Variants in EPHB2 observed in about 807,000 individuals in gnomAD.
The protein encoded by EPHB2 is ephrin type-B receptor 2.
EPHB2 carries 18 observed loss-of-function variants against 96.4 expected under a neutral mutation model. The ratio of observed to expected loss-of-function variants is 0.19; its 90% CI spans 0.13 to 0.28. EPHB2 has a LOEUF of 0.28. EPHB2 is among the 10% of genes least tolerant of loss of function. The probability of loss-of-function intolerance (pLI) is 1.00; values close to 1 mark genes in which losing one functional copy is unlikely to be tolerated. For synonymous variants in EPHB2, 506 were observed against 534.1 expected, an observed-to-expected ratio of 0.95 and a Z score of 0.72; for missense variants, 989 against 1,355.4, an observed-to-expected ratio of 0.73 and a Z score of 4.25.
At chr1:22,728,892 C>T (rs1014294139) in intron 1 of EPHB2, among the ~76,000 whole-genome samples, 2 of 152,220 alleles carry the variant, frequency 1.3e-5, no homozygotes, top group African/African-American at 2.4e-5. Flanking sequence ...CATGACAGCT[C>T]CCAGTGGCCT....
chr1:22,716,721 G>T (rs1359891871), intron 1 of EPHB2, among the ~76,000 whole-genome samples: 4 of 152,212 alleles, frequency 2.6e-5, no homozygotes, highest in African/African-American at 9.6e-5. Flanking sequence ...GAGCTCACCT[G>T]TGAGTTTAGA....
intron 3 of EPHB2, among the ~76,000 whole-genome samples, chr1:22,808,552 C>T (rs143231071): frequency 1.6e-3 from 247 of 152,314 alleles, no homozygotes; most frequent in African/African-American, 5.4e-3. Context: ...CGTGTCACCG[C>T]AGAGTCAAGT....
intron 3 of EPHB2, among the ~76,000 whole-genome samples, chr1:22,787,842 G>T (rs886389175): frequency 6.6e-6 from 1 of 152,218 alleles, no homozygotes; most frequent in African/African-American, 2.4e-5. Flanking sequence ...CCATGAGGTT[G>T]CACTCAAGGT....
rs766527091 is a variant in EPHB2 at position 22,882,328 on chromosome 1, C to T, written c.1304-31C>T. The T allele has an allele frequency of 4.3e-6, 7 of 1,612,234 alleles. No homozygotes were observed. The East Asian group carries it at 6.7e-5, about 15-fold the overall frequency. ...CAGAAGCTGCACCTTCTCATGCCTC[C>T]CTGATCCCTGACCTCTGGCCTCTCT... is the stretch of plus-strand genomic sequence containing the variant. On this transcript the variant is annotated intron_variant, in intron 5 of 15. Transcript: ENST00000374630.
intron 3 of EPHB2, among the ~76,000 whole-genome samples, chr1:22,811,632 G>A (rs544299341): frequency 3.9e-5 from 6 of 152,190 alleles, no homozygotes; most frequent in Non-Finnish European, 8.8e-5. Context: ...CCCCTGAAAT[G>A]TCACCTGGTC....
intron 9 of EPHB2, among the ~76,000 whole-genome samples, chr1:22,904,401 T>C (rs1053725674): frequency 5.3e-5 from 8 of 152,240 alleles, no homozygotes; most frequent in African/African-American, 1.4e-4. Context: ...TTTTGGACTT[T>C]AGAAGCAGCA....
At chr1:22,801,799 T>C (rs1167012175) in intron 3 of EPHB2, among the ~76,000 whole-genome samples, 1 of 152,124 alleles carries the variant, frequency 6.6e-6, no homozygotes, top group Non-Finnish European at 1.5e-5. Flanking sequence ...CGTGCTGCAG[T>C]CTTTGTGGCC....
chr1:22,743,081 C>A (rs183191293), intron 1 of EPHB2, among the ~76,000 whole-genome samples: 1 of 149,402 alleles, frequency 6.7e-6, no homozygotes, highest in South Asian at 2.1e-4. Context: ...TAGTAGAGAT[C>A]GAGTCTCACT....
chr1:22,758,569 G>A (rs982551249), intron 1 of EPHB2, among the ~76,000 whole-genome samples: 11 of 152,054 alleles, frequency 7.2e-5, no homozygotes, highest in African/African-American at 1.2e-4. Context: ...CTTGTGCCAC[G>A]CCTGAGCTGT....
At chr1:22,742,852 G>A (rs772962700) in intron 1 of EPHB2, among the ~76,000 whole-genome samples, 2 of 151,818 alleles carry the variant, frequency 1.3e-5, no homozygotes, top group Non-Finnish European at 2.9e-5. Context: ...TTTGCTCAGG[G>A]TCCTTGTTCT....
intron 14 of EPHB2, among the ~76,000 whole-genome samples, 158 bp downstream of exon 14, chr1:22,910,733 G>T (rs1302455228): frequency 6.6e-6 from 1 of 152,226 alleles, no homozygotes; most frequent in African/African-American, 2.4e-5. Flanking sequence ...TGCCTTAGGG[G>T]TGCAGGAGAG....
chr1:22,753,879 G>A (rs530166292), intron 1 of EPHB2, among the ~76,000 whole-genome samples: 2 of 152,306 alleles, frequency 1.3e-5, no homozygotes, highest in South Asian at 2.1e-4. Context: ...CAGATGTGGT[G>A]AAAGGGCCTT....
At chr1:22,729,063 C>T (rs1643647265) in intron 1 of EPHB2, among the ~76,000 whole-genome samples, 1 of 152,218 alleles carries the variant, frequency 6.6e-6, no homozygotes, top group African/African-American at 2.4e-5. Context: ...ATAATCTGCT[C>T]ACTCGGGGTA....
At chr1:22,725,680 G>A (rs968924371) in intron 1 of EPHB2, among the ~76,000 whole-genome samples, 5 of 152,280 alleles carry the variant, frequency 3.3e-5, no homozygotes, top group Admixed American at 2.0e-4. Flanking sequence ...CCCCCAAAGT[G>A]AATTTCTGTA....
intron 3 of EPHB2, among the ~76,000 whole-genome samples, chr1:22,806,169 T>TCC (rs1644922034): frequency 6.6e-6 from 1 of 152,196 alleles, no homozygotes; most frequent in Non-Finnish European, 1.5e-5. Flanking sequence ...GAATGAATAA[T>TCC]AGCCATTGAT....
At chr1:22,716,148 A>C (rs1350625468) in intron 1 of EPHB2, among the ~76,000 whole-genome samples, 1 of 152,160 alleles carries the variant, frequency 6.6e-6, no homozygotes, top group African/African-American at 2.4e-5. Context: ...GAGCCCCATC[A>C]GGGGAAAATA....
intron 5 of EPHB2, among the ~76,000 whole-genome samples, chr1:22,876,533 C>T (rs576307723): frequency 5.8e-4 from 89 of 152,294 alleles, no homozygotes; most frequent in Middle Eastern, 6.8e-3. Context: ...GCAGGCCCCG[C>T]CTGGCCGGCC....
At chr1:22,757,950 G>T in intron 1 of EPHB2, among the ~76,000 whole-genome samples, 1 of 111,876 alleles carries the variant, frequency 8.9e-6, no homozygotes. Context: ...ACGGAGTCTC[G>T]CTCTGTTGCC....
At chr1:22,908,213 AG>A (rs778306850) in intron 12 of EPHB2, 45 bp downstream of exon 12, 17 of 1,608,302 alleles carry the variant, frequency 1.1e-5, no homozygotes, top group African/African-American at 1.3e-5. Flanking sequence ...GCCAGAGAAG[AG>A]GGCATGAGTG....
Sources: allele counts gnomAD v4.1 joint callset (sites outside exome capture counted in the v4.1 genomes callset), GRCh38; gene constraint gnomAD v4.1.1; transcripts MANE v1.5; gene names NCBI Gene and HGNC (gene_info 2026-07-23, HGNC 2026-07-21).